The following HBB variants were observed in gnomAD, a reference collection of about 807,000 sequenced individuals.
HBB encodes hemoglobin subunit beta.
In HBB, 18 loss-of-function variants were observed where a neutral mutation model predicts 9.7. That is an observed-to-expected ratio of 1.86 (90% CI 1.28 to 2.76). HBB has a LOEUF of 2.76. Among genes scored for constraint, HBB ranks in the 30% most tolerant of loss-of-function variants. HBB has a pLI of 0.00. For synonymous variants in HBB, 99 were observed against 73.6 expected, an observed-to-expected ratio of 1.35 and a Z score of -1.77; for missense variants, 156 against 177.0, an observed-to-expected ratio of 0.88 and a Z score of 0.67.
In HBB at chr11:5,226,174, TTAAAAA is replaced by T. The variant is rs2133587070; in HGVS notation, c.315+397_315+402del. 6.4e-6 allele frequency: 2 copies of T among 310,750 alleles called. No homozygotes were observed. Among genetic ancestry groups the T allele is most frequent in the Non-Finnish European group, 1.2e-5 (2 of 168,704 alleles). The allele number at this position is 310,750 out of a possible 1,614,324, so 19.2% of individuals were successfully genotyped here. ...AATATGTATAATGATTATGTATCAA[TTAAAAA>T]TAAAAGAAAATAAAGTAGGGAGATT... is the stretch of plus-strand genomic sequence containing the variant. On this transcript the variant is annotated intron_variant, in intron 2 of 2. Transcript: ENST00000335295.
Position 5,226,674 on chromosome 11 carries a change from C to T in HBB, c.218G>A (p.Ser73Asn), listed in dbSNP as rs1564875157. The change falls in exon 2 of 3, where the codon AGT becomes AAT. Residue 73 changes from serine to asparagine, a missense_variant. Coordinates refer to ENST00000335295, the MANE Select transcript of HBB (RefSeq NM_000518.5). ...AHGKKVLGAF[S>N]DGLAHLDNLK... ...GTTGTCCAGGTGAGCCAGGCCATCA[C>T]TAAAGGCACCGAGCACTTTCTTGCC... The T allele has an allele frequency of 6.2e-7, 1 of 1,614,140 alleles. No homozygotes were observed. Among genetic ancestry groups the T allele is most frequent in the Non-Finnish European group, 8.5e-7 (1 of 1,180,020 alleles).
In HBB at chr11:5,225,563, A is replaced by G; in HGVS notation, c.*35T>C. 6.2e-7 allele frequency: 1 copy of G among 1,612,078 alleles called. No homozygotes were observed. The highest frequency in any genetic ancestry group is 1.3e-5 in the African/African-American group (1 of 74,990). On this transcript the variant is annotated 3_prime_UTR_variant, in exon 3 of 3. Coordinates refer to ENST00000335295, the MANE Select transcript of HBB (RefSeq NM_000518.5). ...GTAGTTGGACTTAGGGAACAAAGGAACCTTTAATAGAAATTGGACAGCAAG... is the reference window on the plus strand; with the variant it reads ...GTAGTTGGACTTAGGGAACAAAGGAGCCTTTAATAGAAATTGGACAGCAAG...
At position 5,226,962 on chromosome 11, in the gene HBB, G is replaced by T. The variant is rs63750840; in HGVS notation, c.60C>A (p.Asn20Lys). The change falls in exon 1 of 3, where the codon AAC (asparagine) becomes AAA (lysine). Residue 20 changes from asparagine to lysine, a missense_variant. Asn to Lys is a moderately conservative substitution (Grantham distance 94). Transcript: ENST00000335295. The part of the protein sequence containing the change: ...SAVTALWGKV[N>K]VDEVGGEALG... ...GGGCCTCACCACCAACTTCATCCAC[G>T]TTCACCTTGCCCCACAGGGCAGTAA... 2.5e-6 allele frequency: 4 copies of T among 1,613,784 alleles called. No individual in the cohort carries two copies. The Middle Eastern group carries it at 5.0e-4, about 200-fold the overall frequency.
rs33960103 is a variant in HBB at position 5,226,930 on chromosome 11, C to G, written c.92G>C (p.Arg31Thr). ...CCTGTCTTGTAACCTTGATACCAAC[C>G]TGCCCAGGGCCTCACCACCAACTTC... The part of the protein sequence containing the change: ...VDEVGGEALG[R>T]LLVVYPWTQR... The change falls in exon 1 of 3, where the codon AGG becomes ACG. Residue 31 changes from arginine (R) to threonine (T), a missense_variant and splice_region_variant. Arg to Thr is a moderately conservative substitution (Grantham distance 71, BLOSUM62 -1). Transcript: ENST00000335295. The G allele has an allele frequency of 4.2e-5, 68 of 1,612,732 alleles. No individual in the cohort carries two copies. In the South Asian group the frequency reaches 6.6e-4, roughly 16 times the overall value.
chr11:5,226,293 T>A, intron 2 of HBB: 1 of 567,370 alleles, frequency 1.8e-6, no homozygotes, highest in Non-Finnish European at 3.1e-6. Context: ...ACTTAATGTA[T>A]CTCAGAGATA....
At position 5,226,882 on chromosome 11, in the gene HBB, C is replaced by T. The variant is rs372778054; in HGVS notation, c.92+48G>A. Reference sequence around the variant, plus strand: ...AGAGTCTTCTCTGTCTCCACATGCCCAGTTTCTATTGGTCTCCTTAAACCT... The same window carrying T: ...AGAGTCTTCTCTGTCTCCACATGCCTAGTTTCTATTGGTCTCCTTAAACCT... On this transcript the variant is annotated intron_variant, in intron 1 of 2. Coordinates refer to ENST00000335295, the MANE Select transcript of HBB (RefSeq NM_000518.5). The T allele has an allele frequency of 2.5e-6, 4 of 1,590,284 alleles. No individual in the cohort carries two copies. In the Admixed American group the frequency reaches 5.0e-5, roughly 20 times the overall value.
Position 5,226,711 on chromosome 11 carries a change from C to A in HBB, c.181G>T (p.Val61Leu). ...TPDAVMGNPK[V>L]KAHGKKVLGA... ...AGCACTTTCTTGCCATGAGCCTTCA[C>A]CTTAGGGTTGCCCATAACAGCATCA... The change falls in exon 2 of 3, where the codon GTG becomes TTG. Residue 61 changes from valine (V) to leucine (L), a missense_variant. By Grantham distance (32) the Val-to-Leu change is conservative (BLOSUM62 1). Transcript: ENST00000335295. 6.2e-7 allele frequency: 1 copy of A among 1,614,130 alleles called. No homozygotes were observed. Among genetic ancestry groups the A allele is most frequent in the Non-Finnish European group, 8.5e-7 (1 of 1,180,022 alleles).
At chr11:5,226,460 A>C in intron 2 of HBB, 117 bp downstream of exon 2, 1 of 900,748 alleles carries the variant, frequency 1.1e-6, no homozygotes, top group Non-Finnish European at 1.8e-6. Flanking sequence ...ACACTGATGC[A>C]ATCATTCGTC....
chr11:5,226,223 C>A, intron 2 of HBB: 2 of 394,734 alleles, frequency 5.1e-6, no homozygotes, highest in Non-Finnish European at 4.5e-6. Flanking sequence ...TGCAAATAAG[C>A]ACACATATAT....
In HBB at chr11:5,225,658, C is replaced by T; in HGVS notation, c.384G>A (p.Gln128=). ...HFGKEFTPPV[Q]AAYQKVVAGV... ...CAGCCACCACTTTCTGATAGGCAGC[C>T]TGCACTGGTGGGGTGAATTCTTTGC... is the stretch of plus-strand genomic sequence containing the variant. The change falls in exon 3 of 3, where the codon CAG becomes CAA. Residue 128 remains glutamine (Q), a synonymous_variant. Transcript: ENST00000335295. 1 of 1,614,042 alleles carries T rather than the reference C, an allele frequency of 6.2e-7. No homozygotes were observed. Among genetic ancestry groups the T allele is most frequent in the Non-Finnish European group, 8.5e-7 (1 of 1,179,920 alleles).
Position 5,225,561 on chromosome 11 carries a change from G to C in HBB, c.*37C>G, listed in dbSNP as rs369307975. ...TAGTAGTTGGACTTAGGGAACAAAG[G>C]AACCTTTAATAGAAATTGGACAGCA... On this transcript the variant is annotated 3_prime_UTR_variant, in exon 3 of 3. Transcript: ENST00000335295. The C allele has an allele frequency of 6.2e-7, 1 of 1,611,624 alleles. No individual in the cohort carries two copies. The highest frequency in any genetic ancestry group is 8.5e-7 in the Non-Finnish European group (1 of 1,177,790).
Position 5,226,885 on chromosome 11 carries a change from T to C in HBB, c.92+45A>G, listed in dbSNP as rs773415134. The C allele has an allele frequency of 3.8e-6, 6 of 1,593,208 alleles. No homozygotes were observed. The Admixed American group carries it at 1.0e-4, about 27-fold the overall frequency. On this transcript the variant is annotated intron_variant, in intron 1 of 2. Coordinates refer to ENST00000335295, the MANE Select transcript of HBB (RefSeq NM_000518.5). ...GTCTTCTCTGTCTCCACATGCCCAG[T>C]TTCTATTGGTCTCCTTAAACCTGTC...
At position 5,225,616 on chromosome 11, in the gene HBB, C is replaced by T; in HGVS notation, c.426G>A (p.Leu142=). ...AGCGAGCTTAGTGATACTTGTGGGCCAGGGCATTAGCCACACCAGCCACCA... is the reference window on the plus strand; with the variant it reads ...AGCGAGCTTAGTGATACTTGTGGGCTAGGGCATTAGCCACACCAGCCACCA... ...QKVVAGVANA[L]AHKYH is the part of the protein sequence containing the mutation. The change falls in exon 3 of 3, where the codon CTG becomes CTA. Residue 142 remains leucine (L), a synonymous_variant. Coordinates refer to ENST00000335295, the MANE Select transcript of HBB (RefSeq NM_000518.5). 1 of 1,614,108 alleles carries T rather than the reference C, an allele frequency of 6.2e-7. No individual in the cohort carries two copies. The highest frequency in any genetic ancestry group is 1.3e-5 in the African/African-American group (1 of 75,030).
rs1001129219 is a variant in HBB, at chr11:5,226,223, C to T, written c.315+354G>A. ...GGGAGATTATGAATATGCAAATAAGCACACATATATTCCAAATAGTAATGT... is the reference window on the plus strand; with the variant it reads ...GGGAGATTATGAATATGCAAATAAGTACACATATATTCCAAATAGTAATGT... On this transcript the variant is annotated intron_variant, in intron 2 of 2. Coordinates refer to ENST00000335295, the MANE Select transcript of HBB (RefSeq NM_000518.5). 2 of 394,736 alleles carry T rather than the reference C, an allele frequency of 5.1e-6. No individual in the cohort carries two copies. Among genetic ancestry groups the T allele is most frequent in the Admixed American group, 8.6e-5 (2 of 23,316 alleles). 24.5% of individuals were successfully genotyped at this position (394,736 alleles called of 1,614,324 possible).
chr11:5,226,994 A>AC lies in HBB; in HGVS notation c.27dup (p.Ser10ValfsTer14), dbSNP rs35699606. On this transcript the variant is annotated frameshift_variant, in exon 1 of 3. Coordinates refer to ENST00000335295, the MANE Select transcript of HBB (RefSeq NM_000518.5). LOFTEE classifies it high-confidence loss of function. ...TTGCCCCACAGGGCAGTAACGGCAG[A>AC]CTTCTCCTCAGGAGTCAGATGCACC... The AC allele has an allele frequency of 1.3e-4, 210 of 1,613,172 alleles. 2 individuals are homozygous for AC. In the South Asian group the frequency reaches 2.2e-3, roughly 17 times the overall value.
Position 5,225,727 on chromosome 11 carries a change from C to A in HBB, c.316-1G>T, listed in dbSNP as rs33952266. 2 of 1,614,036 alleles carry A rather than the reference C, an allele frequency of 1.2e-6. No individual in the cohort carries two copies. The highest frequency in any genetic ancestry group is 1.7e-6 in the Non-Finnish European group (2 of 1,179,966). ...CACAGACCAGCACGTTGCCCAGGAG[C>A]TGTGGGAGGAAGATAAGAGGTATGA... On this transcript the variant is annotated splice_acceptor_variant, in intron 2 of 2. Coordinates refer to ENST00000335295, the MANE Select transcript of HBB (RefSeq NM_000518.5). LOFTEE classifies it high-confidence loss of function.
rs112287010 is a variant in HBB at position 5,226,685 on chromosome 11, G to A, written c.207C>T (p.Leu69=). ...GAGCCAGGCCATCACTAAAGGCACCGAGCACTTTCTTGCCATGAGCCTTCA... is the reference window on the plus strand; with the variant it reads ...GAGCCAGGCCATCACTAAAGGCACCAAGCACTTTCTTGCCATGAGCCTTCA... ...PKVKAHGKKV[L]GAFSDGLAHL... The change falls in exon 2 of 3, where the codon CTC becomes CTT. Residue 69 remains leucine (L), a synonymous_variant. Transcript: ENST00000335295. 639 of 1,614,024 alleles carry A rather than the reference G, an allele frequency of 4.0e-4. No individual in the cohort carries two copies. The highest frequency in any genetic ancestry group is 5.3e-4 in the Non-Finnish European group (622 of 1,179,996).
Position 5,225,854 on chromosome 11 carries a change from C to T in HBB, c.316-128G>A. On this transcript the variant is annotated intron_variant, in intron 2 of 2. Transcript: ENST00000335295. ...GTAGCTGGATTGTAGCTGCTATTAG[C>T]AATATGAAACCTCTTACATCAGTTA... 1 of 859,760 alleles carries T rather than the reference C, an allele frequency of 1.2e-6. No homozygotes were observed. Among genetic ancestry groups the T allele is most frequent in the Non-Finnish European group, 1.9e-6 (1 of 515,232 alleles). 53.3% of individuals were successfully genotyped at this position (859,760 alleles called of 1,614,324 possible).
chr11:5,225,855 A>T, intron 2 of HBB, 129 bp from the exon 3 acceptor site: 2 of 865,878 alleles, frequency 2.3e-6, no homozygotes, highest in Non-Finnish European at 3.8e-6. Flanking sequence ...TGCTATTAGC[A>T]ATATGAAACC....
Sources: gnomAD v4.1 joint callset for allele counts on GRCh38, gnomAD v4.1.1 for gene constraint, MANE v1.5 for transcripts, NCBI Gene and HGNC (gene_info 2026-07-23, HGNC 2026-07-21) for gene names.